Variants in IL13RA1 observed in about 807,000 individuals in gnomAD.
IL13RA1 encodes the protein interleukin-13 receptor subunit alpha-1.
In IL13RA1, 14 loss-of-function variants were observed where a neutral mutation model predicts 33.8. That is an observed-to-expected ratio of 0.41 (90% CI 0.27 to 0.65). The LOEUF is 0.65. Among genes scored for constraint, IL13RA1 ranks in the 30% least tolerant of loss-of-function variants. The pLI is 0.28. For missense variants in IL13RA1, 313 were observed against 327.0 expected (o/e 0.96, Z 0.33); for synonymous variants, 116 against 115.7 (o/e 1.00, Z -0.02).
At chrX:118,767,055 A>G (rs1457738682) in intron 8 of IL13RA1, 79 bp downstream of exon 8, 1 of 522,415 alleles carries the variant, frequency 1.9e-6, no homozygotes, top group East Asian at 3.7e-5. Flanking sequence ...AGACTGGGGA[A>G]AGGGACTGTC....
intron 10 of IL13RA1, among the ~76,000 whole-genome samples, chrX:118,783,813 CTT>C (rs1242156990): frequency 2.0e-5 from 2 of 99,687 alleles, no homozygotes; most frequent in Non-Finnish European, 4.0e-5. Context: ...TAAATTAAAA[CTT>C]TTTTTTTTTT....
chrX:118,767,015 A>G lies in IL13RA1; in HGVS notation c.1009+39A>G, dbSNP rs758470052. The G allele has an allele frequency of 4.0e-5, 33 of 824,783 alleles. 1 individual carries two copies. The South Asian group carries it at 8.9e-4, about 22-fold the overall frequency. The allele number at this position is 824,783 out of a possible 1,213,427, so 68.0% of individuals were successfully genotyped here. A position where few individuals can be genotyped will look rare whatever the true frequency, so the allele number is the denominator to read the frequency against. On this transcript the variant is annotated intron_variant, in intron 8 of 10. Coordinates refer to ENST00000371666, the MANE Select transcript of IL13RA1 (RefSeq NM_001560.3). The stretch of plus-strand genomic sequence containing the variant: ...ATTTTTATTAAAATTTAAAACACTG[A>G]TGTATAAAAACTAAGCTGAAGCAGA...
intron 1 of IL13RA1, among the ~76,000 whole-genome samples, chrX:118,728,180 T>A (rs1270843310): frequency 8.9e-6 from 1 of 112,463 alleles, no homozygotes; most frequent in Non-Finnish European, 1.9e-5. Flanking sequence ...CCAGGCGAGC[T>A]GAGAACGCGC....
intron 8 of IL13RA1, chrX:118,770,963 C>T: frequency 1.3e-5 from 3 of 227,566 alleles, no homozygotes; most frequent in South Asian, 1.0e-4. Flanking sequence ...CCTCTCCTCA[C>T]TTTTCCTCCC....
At chrX:118,757,678 CTTTTTTTTTTTTTTT>C (rs765835021) in intron 4 of IL13RA1, among the ~76,000 whole-genome samples, 12 of 58,356 alleles carry the variant, frequency 2.1e-4, no homozygotes, top group African/African-American at 7.3e-4. Flanking sequence ...AGAATTCTGC[CTTTTTTTTTTTTTTT>C]TTTTTTTTTT....
intron 4 of IL13RA1, among the ~76,000 whole-genome samples, chrX:118,750,786 C>T (rs1319363537): frequency 2.7e-5 from 3 of 110,011 alleles, no homozygotes; most frequent in Admixed American, 9.8e-5. Flanking sequence ...ATGATATGTC[C>T]GGGGTCAAAA....
At position 118,749,699 on chromosome X, in the gene IL13RA1, C is replaced by T; in HGVS notation, c.409C>T (p.His137Tyr). 2 of 1,195,620 alleles carry T rather than the reference C, an allele frequency of 1.7e-6. No individual in the cohort carries two copies. The change falls in exon 4 of 11, where the codon CAC (histidine) becomes TAC (tyrosine). Residue 137 changes from histidine (H) to tyrosine (Y), a missense_variant. Transcript: ENST00000371666. The stretch of plus-strand genomic sequence containing the variant: ...TGTGACTGAGCTTCAATGCATTTGG[C>T]ACAACCTGAGCTACATGAAGTGTTC... ...SAVTELQCIW[H>Y]NLSYMKCSWL...
At chrX:118,799,192 G>T (rs987777424), downstream of IL13RA1, among the ~76,000 whole-genome samples, 1 of 113,348 alleles carries the variant, frequency 8.8e-6, no homozygotes, top group Admixed American at 9.2e-5. Context: ...CTGCCTTCCC[G>T]CGGGGCAGGG....
intron 2 of IL13RA1, among the ~76,000 whole-genome samples, chrX:118,744,070 C>G (rs910879655): frequency 2.7e-5 from 3 of 110,588 alleles, no homozygotes; most frequent in Non-Finnish European, 3.8e-5. Context: ...CGCTTGAACC[C>G]AGGAGGCAGT....
intron 2 of IL13RA1, among the ~76,000 whole-genome samples, chrX:118,743,785 G>A (rs2017372793): frequency 9.0e-6 from 1 of 111,519 alleles, no homozygotes; most frequent in Non-Finnish European, 1.9e-5. Flanking sequence ...TCATACAGCA[G>A]CTACCAGTGG....
chrX:118,751,482 T>G (rs886271341), intron 4 of IL13RA1, among the ~76,000 whole-genome samples: 6 of 111,229 alleles, frequency 5.4e-5, no homozygotes, highest in Non-Finnish European at 9.4e-5. Flanking sequence ...ATAGATAGAT[T>G]CCTGTGGGAA....
downstream of IL13RA1, among the ~76,000 whole-genome samples, chrX:118,798,467 A>T (rs757187142): frequency 1.2e-4 from 13 of 111,794 alleles, no homozygotes; most frequent in Admixed American, 9.5e-5. Context: ...CAATATGATC[A>T]AACATGTTAG....
At chrX:118,786,027 ATCT>A (rs2017913051) in intron 10 of IL13RA1, among the ~76,000 whole-genome samples, 1 of 111,874 alleles carries the variant, frequency 8.9e-6, no homozygotes, top group Non-Finnish European at 1.9e-5. Flanking sequence ...TGTAGTTTTC[ATCT>A]ATTTTGTGGA....
At chrX:118,732,068 C>T (rs553397947) in intron 1 of IL13RA1, among the ~76,000 whole-genome samples, 77 of 111,084 alleles carry the variant, frequency 6.9e-4, no homozygotes, top group Middle Eastern at 9.3e-3. Context: ...TAAAATTTAC[C>T]ATCTTAATCA....
the IL13RA1 span, among the ~76,000 whole-genome samples, chrX:118,804,923 C>G: frequency 4.5e-5 from 5 of 111,942 alleles, no homozygotes; most frequent in Non-Finnish European, 9.4e-5. Context: ...ATCTGAATTC[C>G]TTTCTCAGGA....
At chrX:118,803,394 T>C in the IL13RA1 span, among the ~76,000 whole-genome samples, 1 of 112,544 alleles carries the variant, frequency 8.9e-6, no homozygotes, top group Admixed American at 9.4e-5. Context: ...TCCTACTTCC[T>C]ACATGACGAA....
chrX:118,781,353 CT>C (rs75000278), intron 10 of IL13RA1, among the ~76,000 whole-genome samples: 18,120 of 107,825 alleles, frequency 0.17, 1,441 homozygotes, highest in East Asian at 0.43. Flanking sequence ...CAGTGTGTAT[CT>C]TTTTTTTTTC....
intron 6 of IL13RA1, chrX:118,761,642 A>G (rs1199607284): frequency 8.2e-6 from 1 of 121,273 alleles, no homozygotes; most frequent in Non-Finnish European, 1.7e-5. Flanking sequence ...TTTCTTCATG[A>G]AACCTACATA....
At chrX:118,745,858 C>T (rs1165324853) in intron 2 of IL13RA1, among the ~76,000 whole-genome samples, 1 of 111,180 alleles carries the variant, frequency 9.0e-6, no homozygotes, top group Non-Finnish European at 1.9e-5. Flanking sequence ...CCCGGAGAGC[C>T]CATTAATCTT....
Sources: allele counts gnomAD v4.1 joint callset (sites outside exome capture counted in the v4.1 genomes callset), GRCh38; gene constraint gnomAD v4.1.1; transcripts MANE v1.5; gene names NCBI Gene and HGNC (gene_info 2026-07-23, HGNC 2026-07-21).